The following CCL25 variants were observed in gnomAD, a reference collection of about 807,000 sequenced individuals.
The protein encoded by CCL25 is C-C motif chemokine 25.
In CCL25, 14 loss-of-function variants were observed where a neutral mutation model predicts 19.9. The observed-to-expected ratio is 0.70, with a 90% CI of 0.47 to 1.10. The LOEUF is 1.10. Among genes scored for constraint, CCL25 ranks in the 50% least tolerant of loss-of-function variants. CCL25 has a pLI of 0.00. For synonymous variants in CCL25, 68 were observed against 73.2 expected, an observed-to-expected ratio of 0.93 and a Z score of 0.36; for missense variants, 151 against 181.2, an observed-to-expected ratio of 0.83 and a Z score of 0.96.
chr19:8,059,060 AT>A lies in CCL25; in HGVS notation c.445+1141del, dbSNP rs2081296840. 2.5e-5 allele frequency among the ~76,000 whole-genome samples: 2 copies of A among 78,504 alleles called. 1 individual carries two copies. Among genetic ancestry groups the A allele is most frequent in the South Asian group, 1.0e-3 (2 of 1,984 alleles). 51.5% of individuals were successfully genotyped at this position (78,504 alleles called of 152,430 possible). A position where few individuals can be genotyped will look rare whatever the true frequency, so the allele number is the denominator to read the frequency against. ...ATATAAACATATATGTAATATATAA[AT>A]ATATATAATATATAATATATATAAT... On this transcript the variant is annotated intron_variant, in intron 5 of 5. Transcript: ENST00000315626.
chr19:8,057,656 C>G (rs1003643811), intron 4 of CCL25, 145 bp from the exon 5 acceptor site: 6 of 1,313,182 alleles, frequency 4.6e-6, no homozygotes, highest in African/African-American at 3.0e-5. Flanking sequence ...AATCAGGACA[C>G]TTTCCACTGG....
At chr19:8,052,609 C>T (rs184071541), upstream of CCL25, among the ~76,000 whole-genome samples, 14 of 150,244 alleles carry the variant, frequency 9.3e-5, no homozygotes, top group East Asian at 1.8e-3. Flanking sequence ...GGCAAGGGGG[C>T]CTGTGGGTCG....
chr19:8,053,682 G>A (rs1599227126), intron 2 of CCL25, among the ~76,000 whole-genome samples: 1 of 151,418 alleles, frequency 6.6e-6, no homozygotes, highest in African/African-American at 2.4e-5. Flanking sequence ...CCAAGTAGCT[G>A]GGACTACAGG....
intron 2 of CCL25, among the ~76,000 whole-genome samples, chr19:8,054,600 C>T (rs142718556): frequency 1.3e-5 from 2 of 152,218 alleles, no homozygotes; most frequent in African/African-American, 4.8e-5. Context: ...ACTATCTCAT[C>T]AGCTCATCCT....
Position 8,055,484 on chromosome 19 carries a change from C to T in CCL25, c.74-668C>T, listed in dbSNP as rs574534656. Among the ~76,000 whole-genome samples, 297 of 151,432 alleles carry T rather than the reference C, an allele frequency of 2.0e-3. 1 individual carries two copies. The highest frequency in any genetic ancestry group is 5.7e-3 in the African/African-American group (235 of 41,362). On this transcript the variant is annotated intron_variant, in intron 2 of 5. Transcript: ENST00000315626. Reference sequence around the variant, plus strand: ...CCGAGTAGCTGGGACTCCAGGCGCCCACCACCACACCCGGCTAATTTTTAT... The same window carrying T: ...CCGAGTAGCTGGGACTCCAGGCGCCTACCACCACACCCGGCTAATTTTTAT...
At chr19:8,061,620 G>C (rs530339091) in intron 5 of CCL25, among the ~76,000 whole-genome samples, 1 of 152,124 alleles carries the variant, frequency 6.6e-6, no homozygotes. Flanking sequence ...CACCTCATTA[G>C]AATAAAATAT....
chr19:8,055,117 C>T (rs1479176002), intron 2 of CCL25, among the ~76,000 whole-genome samples: 2 of 149,862 alleles, frequency 1.3e-5, no homozygotes, highest in East Asian at 2.1e-4. Context: ...GGTGAAACCC[C>T]GTCTCTACTA....
intron 4 of CCL25, 114 bp downstream of exon 4, chr19:8,056,613 GA>G: frequency 1.6e-6 from 2 of 1,218,370 alleles, no homozygotes; most frequent in Non-Finnish European, 2.3e-6. Flanking sequence ...ACACCTGCCT[GA>G]ACCCCAAACA....
chr19:8,058,941 A>G (rs1355811904), intron 5 of CCL25, among the ~76,000 whole-genome samples: 2 of 139,012 alleles, frequency 1.4e-5, no homozygotes, highest in Non-Finnish European at 3.0e-5. Flanking sequence ...TACAGGCGTG[A>G]GCCACCGCGC....
intron 2 of CCL25, among the ~76,000 whole-genome samples, chr19:8,055,528 G>T (rs1413120274): frequency 2.0e-5 from 3 of 151,796 alleles, no homozygotes; most frequent in African/African-American, 7.3e-5. Flanking sequence ...TAGAGACGGG[G>T]TTTCACCGTG....
intron 2 of CCL25, among the ~76,000 whole-genome samples, chr19:8,054,419 G>A (rs2081254021): frequency 6.6e-6 from 1 of 152,234 alleles, no homozygotes; most frequent in African/African-American, 2.4e-5. Context: ...TGCCCTCAGA[G>A]GCCGCGGTTG....
chr19:8,062,259 G>A lies in CCL25; in HGVS notation c.*34G>A, dbSNP rs771558738. ...ATTTCTGGGCTCCATCGGCACAGGA[G>A]GGGCCGGATCTTTCTCCGATAAAAC... On this transcript the variant is annotated 3_prime_UTR_variant, in exon 6 of 6. Transcript: ENST00000315626. 4.0e-5 allele frequency: 64 copies of A among 1,612,112 alleles called. 1 individual carries two copies. The South Asian group carries it at 6.2e-4, about 16-fold the overall frequency.
At chr19:8,061,741 C>T (rs2081319317) in intron 5 of CCL25, among the ~76,000 whole-genome samples, 1 of 152,044 alleles carries the variant, frequency 6.6e-6, no homozygotes, top group Non-Finnish European at 1.5e-5. Context: ...CACCTGTAAT[C>T]CCAGCACTTT....
chr19:8,056,313 G>A (rs891467863), intron 3 of CCL25, 44 bp downstream of exon 3: 70 of 1,606,902 alleles, frequency 4.4e-5, no homozygotes, highest in Non-Finnish European at 5.8e-5. Context: ...TGCACACACA[G>A]CCTTGCTGCC....
At chr19:8,055,437 G>A (rs1483893882) in intron 2 of CCL25, among the ~76,000 whole-genome samples, 2 of 150,594 alleles carry the variant, frequency 1.3e-5, no homozygotes, top group African/African-American at 2.4e-5. Flanking sequence ...CCGGGTTCAC[G>A]CCATTCTCCT....
upstream of CCL25, chr19:8,052,699 G>C (rs375751022): frequency 2.9e-5 from 7 of 242,118 alleles, no homozygotes; most frequent in Admixed American, 4.0e-4. Context: ...GGAGGAGGGC[G>C]GGCAGGGGGT....
chr19:8,061,836 A>T (rs1415602432), intron 5 of CCL25, among the ~76,000 whole-genome samples: 2 of 151,990 alleles, frequency 1.3e-5, no homozygotes. Context: ...TAAAATACAA[A>T]ATTAGCTACT....
chr19:8,061,486 G>A (rs2081317693), intron 5 of CCL25, among the ~76,000 whole-genome samples: 1 of 152,100 alleles, frequency 6.6e-6, no homozygotes, highest in Non-Finnish European at 1.5e-5. Context: ...TAGGAGTGAA[G>A]GATGATTAAC....
At position 8,056,243 on chromosome 19, in the gene CCL25, C is replaced by T. The variant is rs769251313; in HGVS notation, c.165C>T (p.Ser55=). The change falls in exon 3 of 6, where the codon AGC becomes AGT. Residue 55 remains serine, a synonymous_variant. Transcript: ENST00000315626. ...GGACTTACCGGATCCAGGAGGTGAG[C>T]GGGAGCTGCAATCTGCCTGCTGCGA... is the stretch of plus-strand genomic sequence containing the variant. The part of the protein sequence containing the change: ...RAWTYRIQEV[S]GSCNLPAAIF... 32 of 1,373,290 alleles carry T rather than the reference C, an allele frequency of 2.3e-5. No homozygotes were observed. The highest frequency in any genetic ancestry group is 1.8e-4 in the African/African-American group (10 of 55,772). 85.1% of individuals were successfully genotyped at this position (1,373,290 alleles called of 1,614,324 possible).
Sources: gnomAD v4.1 joint callset for allele counts (sites outside exome capture counted in the v4.1 genomes callset) on GRCh38, gnomAD v4.1.1 for gene constraint, MANE v1.5 for transcripts, NCBI Gene and HGNC (gene_info 2026-07-23, HGNC 2026-07-21) for gene names.